ATP11B: variants seen among roughly 807,000 people sequenced by gnomAD.
The protein encoded by ATP11B is phospholipid-transporting ATPase IF.
In ATP11B, 81 loss-of-function variants were observed where a neutral mutation model predicts 157.8. The observed-to-expected ratio is 0.51, with a 90% CI of 0.43 to 0.62. ATP11B has a LOEUF of 0.62. Ranked by LOEUF, ATP11B falls within the 20% of genes least tolerant of loss-of-function variation. The pLI, the probability that ATP11B is intolerant of heterozygous loss-of-function variation, is 0.00. For synonymous variants in ATP11B, 451 were observed against 469.4 expected (o/e 0.96, Z 0.51); for missense variants, 1,165 against 1,402.2 (o/e 0.83, Z 2.70).
chr3:182,856,363 G>A (rs1006691174), intron 10 of ATP11B, among the ~76,000 whole-genome samples: 1 of 152,170 alleles, frequency 6.6e-6, no homozygotes, highest in Admixed American at 6.5e-5. Context: ...TGGATTTTGA[G>A]TTAAATTTTG....
intron 12 of ATP11B, among the ~76,000 whole-genome samples, chr3:182,860,456 G>GGT (rs1355063554): frequency 6.6e-6 from 1 of 152,058 alleles, no homozygotes; most frequent in East Asian, 1.9e-4. Flanking sequence ...AATTCATGAT[G>GGT]GTGTACCTTG....
intron 4 of ATP11B, among the ~76,000 whole-genome samples, chr3:182,834,391 A>G (rs1243860680): frequency 1.3e-5 from 2 of 152,182 alleles, no homozygotes; most frequent in Non-Finnish European, 2.9e-5. Context: ...ACAGCACAAA[A>G]TAGAATATAG....
At chr3:182,884,565 A>G (rs1722672538) in intron 21 of ATP11B, among the ~76,000 whole-genome samples, 188 bp from the exon 22 acceptor site, 1 of 152,062 alleles carries the variant, frequency 6.6e-6, no homozygotes, top group South Asian at 2.1e-4. Flanking sequence ...GTGTCTGATA[A>G]ATATCGTAGC....
intron 7 of ATP11B, among the ~76,000 whole-genome samples, chr3:182,837,786 AAGG>A (rs763945809): frequency 3.5e-4 from 53 of 152,176 alleles, no homozygotes; most frequent in Admixed American, 6.5e-5. Context: ...TTGTTTCTGA[AAGG>A]AGAGAAAGGA....
At chr3:182,801,074 T>C (rs1467485590) in intron 1 of ATP11B, among the ~76,000 whole-genome samples, 1 of 152,190 alleles carries the variant, frequency 6.6e-6, no homozygotes, top group Non-Finnish European at 1.5e-5. Flanking sequence ...AGTGCTGGGA[T>C]TACAGGTGTG....
chr3:182,807,872 A>G (rs1042776262), intron 1 of ATP11B, among the ~76,000 whole-genome samples: 1 of 152,160 alleles, frequency 6.6e-6, no homozygotes, highest in Admixed American at 6.5e-5. Context: ...TGGTATTTCC[A>G]TAGTTCTAAG....
intron 1 of ATP11B, among the ~76,000 whole-genome samples, chr3:182,819,117 C>T (rs1320116012): frequency 7.2e-6 from 1 of 138,890 alleles, no homozygotes; most frequent in Non-Finnish European, 1.5e-5. Flanking sequence ...CTCCCCGTGT[C>T]CCAGGCTGGA....
At chr3:182,819,610 TCTATTTC>T (rs1322284498) in intron 1 of ATP11B, among the ~76,000 whole-genome samples, 1 of 152,222 alleles carries the variant, frequency 6.6e-6, no homozygotes, top group Non-Finnish European at 1.5e-5. Context: ...TATTCATATC[TCTATTTC>T]AGTAAGTCAA....
chr3:182,815,166 G>C (rs544507534), intron 1 of ATP11B, among the ~76,000 whole-genome samples: 7 of 152,242 alleles, frequency 4.6e-5, no homozygotes, highest in African/African-American at 1.7e-4. Flanking sequence ...ACTAAGCCAG[G>C]GTTCTTGGAA....
chr3:182,881,513 G>T (rs1722425934), intron 21 of ATP11B, among the ~76,000 whole-genome samples: 1 of 151,372 alleles, frequency 6.6e-6, no homozygotes, highest in Non-Finnish European at 1.5e-5. Flanking sequence ...CTGCACTCCA[G>T]CCTGGGCGAC....
chr3:182,917,157 A>C (rs1725194762), intron 29 of ATP11B: 1 of 985,232 alleles, frequency 1.0e-6, no homozygotes, highest in Admixed American at 6.2e-5. Context: ...TTTAACGCTC[A>C]TCTCTTCCTG....
intron 10 of ATP11B, among the ~76,000 whole-genome samples, chr3:182,852,719 G>C (rs539198651): frequency 2.2e-4 from 34 of 152,312 alleles, no homozygotes; most frequent in Non-Finnish European, 4.1e-4. Flanking sequence ...GACTCAAAGT[G>C]TAAGATCTAA....
intron 10 of ATP11B, among the ~76,000 whole-genome samples, chr3:182,857,027 G>A (rs1383460761): frequency 2.0e-5 from 3 of 152,182 alleles, no homozygotes; most frequent in Admixed American, 6.5e-5. Flanking sequence ...AAAGAGAAGA[G>A]GGATTCTGAA....
intron 1 of ATP11B, among the ~76,000 whole-genome samples, chr3:182,813,708 G>T (rs1040272944): frequency 2.6e-5 from 4 of 151,982 alleles, no homozygotes; most frequent in Admixed American, 2.6e-4. Flanking sequence ...CAGTTTGGTA[G>T]ACATTTGTTT....
chr3:182,841,188 A>G (rs1461988920), intron 7 of ATP11B, among the ~76,000 whole-genome samples: 1 of 152,038 alleles, frequency 6.6e-6, no homozygotes, highest in African/African-American at 2.4e-5. Context: ...GCCTACCTTA[A>G]CTACTTAGTA....
intron 2 of ATP11B, among the ~76,000 whole-genome samples, chr3:182,822,309 A>G (rs1283039272): frequency 6.6e-6 from 1 of 151,754 alleles, no homozygotes; most frequent in African/African-American, 2.4e-5. Context: ...GATATTCCCC[A>G]TCTTGTGTCC....
chr3:182,921,226 A>T lies in ATP11B; in HGVS notation c.*3122A>T, dbSNP rs1725463673. On this transcript the variant is annotated 3_prime_UTR_variant, in exon 30 of 30. Transcript: ENST00000323116. ...GATATAAGCAGGTATTAATAAAAATAACACACCAAAGAGTTACGTAAAACA... is the reference window on the plus strand; with the variant it reads ...GATATAAGCAGGTATTAATAAAAATTACACACCAAAGAGTTACGTAAAACA... 6.6e-6 allele frequency: 1 copy of T among 152,258 alleles called. No individual in the cohort carries two copies. The highest frequency in any genetic ancestry group is 2.4e-5 in the African/African-American group (1 of 41,480). The allele number at this position is 152,258 out of a possible 1,614,324, so 9.4% of individuals were successfully genotyped here. A position where few individuals can be genotyped will look rare whatever the true frequency, so the allele number is the denominator to read the frequency against.
intron 28 of ATP11B, among the ~76,000 whole-genome samples, chr3:182,903,229 G>A (rs574325334): frequency 7.9e-5 from 12 of 152,262 alleles, no homozygotes; most frequent in Admixed American, 2.6e-4. Context: ...AGTATGGTTT[G>A]AAGGGGAAAA....
intron 23 of ATP11B, among the ~76,000 whole-genome samples, chr3:182,886,531 A>G (rs994847957): frequency 3.3e-5 from 5 of 152,292 alleles, no homozygotes; most frequent in Admixed American, 6.5e-5. Context: ...TTTGTTAGCA[A>G]TAGTTGTAAT....
Sources: gnomAD v4.1 joint callset for allele counts (sites outside exome capture counted in the v4.1 genomes callset) on GRCh38, gnomAD v4.1.1 for gene constraint, MANE v1.5 for transcripts, NCBI Gene and HGNC (gene_info 2026-07-23, HGNC 2026-07-21) for gene names.